SPIDR: variants seen among roughly 807,000 people sequenced by gnomAD.
The protein encoded by SPIDR is DNA repair-scaffolding protein.
In SPIDR, 93 loss-of-function variants were observed where a neutral mutation model predicts 104.6. The ratio of observed to expected loss-of-function variants is 0.89; its 90% confidence interval spans 0.75 to 1.06. The LOEUF (loss-of-function observed/expected upper bound fraction) is 1.06, where lower values mean the gene tolerates loss of function less well. Ranked by LOEUF, SPIDR falls within the 50% of genes least tolerant of loss-of-function variation. The pLI is 0.00. For synonymous variants in SPIDR, 431 were observed against 416.9 expected, an observed-to-expected ratio of 1.03 and a Z score of -0.41; for missense variants, 1,154 against 1,111.2, an observed-to-expected ratio of 1.04 and a Z score of -0.55.
At chr8:47,288,519 C>T (rs898539692) in intron 3 of SPIDR, among the ~76,000 whole-genome samples, 42 of 152,198 alleles carry the variant, frequency 2.8e-4, no homozygotes, top group African/African-American at 8.9e-4. Context: ...CTTCTGACCT[C>T]GTGATCCACC....
intron 8 of SPIDR, among the ~76,000 whole-genome samples, chr8:47,469,644 C>G (rs1035390749): frequency 6.6e-6 from 1 of 152,102 alleles, no homozygotes; most frequent in Non-Finnish European, 1.5e-5. Flanking sequence ...ACCACATGTT[C>G]TCACTTATAA....
At chr8:47,514,280 G>A (rs2082788790) in intron 8 of SPIDR, among the ~76,000 whole-genome samples, 1 of 151,846 alleles carries the variant, frequency 6.6e-6, no homozygotes, top group Admixed American at 6.6e-5. Context: ...TTTGGTACAG[G>A]GATTTCTAAA....
chr8:47,373,540 T>C (rs1414037219), intron 5 of SPIDR, among the ~76,000 whole-genome samples: 2 of 152,142 alleles, frequency 1.3e-5, no homozygotes, highest in African/African-American at 4.8e-5. Flanking sequence ...AGTTCTGGGG[T>C]ACATGTGCAG....
At chr8:47,398,319 G>A (rs1360441274) in intron 6 of SPIDR, among the ~76,000 whole-genome samples, 2 of 152,170 alleles carry the variant, frequency 1.3e-5, no homozygotes, top group African/African-American at 4.8e-5. Context: ...AAGCAAAGTG[G>A]AATGGTTGCT....
At chr8:47,587,725 T>G (rs563191189) in intron 8 of SPIDR, among the ~76,000 whole-genome samples, 55 of 151,426 alleles carry the variant, frequency 3.6e-4, no homozygotes, top group African/African-American at 1.3e-3. Context: ...CCCAGGAGTT[T>G]GAGGCTGGCC....
chr8:47,576,780 T>TA (rs1361405638), intron 8 of SPIDR, among the ~76,000 whole-genome samples: 1 of 152,238 alleles, frequency 6.6e-6, no homozygotes, highest in Non-Finnish European at 1.5e-5. Context: ...AATACCTTCA[T>TA]ATCCATTATT....
chr8:47,401,763 C>G (rs1272017089), intron 6 of SPIDR, among the ~76,000 whole-genome samples: 2 of 152,190 alleles, frequency 1.3e-5, no homozygotes, highest in Non-Finnish European at 2.9e-5. Context: ...GTAAAGGGAT[C>G]AATTCAACAA....
At chr8:47,609,951 A>T (rs563756555) in intron 10 of SPIDR, among the ~76,000 whole-genome samples, 2 of 152,192 alleles carry the variant, frequency 1.3e-5, no homozygotes, top group African/African-American at 4.8e-5. Flanking sequence ...ACAGACAATT[A>T]TGAAGTTTTG....
chr8:47,549,031 G>C (rs913450191), intron 8 of SPIDR, among the ~76,000 whole-genome samples: 1 of 152,142 alleles, frequency 6.6e-6, no homozygotes, highest in Admixed American at 6.5e-5. Context: ...TTGGTTTTCT[G>C]TCCTTGTGAT....
intron 5 of SPIDR, among the ~76,000 whole-genome samples, chr8:47,317,782 T>C (rs1443038084): frequency 1.3e-5 from 2 of 152,156 alleles, no homozygotes; most frequent in African/African-American, 4.8e-5. Context: ...CAACATTTCC[T>C]GCTCACCGGT....
At chr8:47,566,078 C>T (rs1425588901) in intron 8 of SPIDR, among the ~76,000 whole-genome samples, 3 of 127,922 alleles carry the variant, frequency 2.3e-5, no homozygotes, top group African/African-American at 9.0e-5. Flanking sequence ...ACAATCTTGG[C>T]TCACCACAAC....
intron 8 of SPIDR, among the ~76,000 whole-genome samples, chr8:47,478,245 A>T (rs2076502089): frequency 6.6e-6 from 1 of 152,214 alleles, no homozygotes; most frequent in Non-Finnish European, 1.5e-5. Flanking sequence ...CTGAGGAAGC[A>T]AAAAGCAGTG....
At chr8:47,316,731 G>C (rs782777733) in intron 5 of SPIDR, among the ~76,000 whole-genome samples, 1 of 152,194 alleles carries the variant, frequency 6.6e-6, no homozygotes, top group Non-Finnish European at 1.5e-5. Flanking sequence ...AGAGGAACTT[G>C]CTGGGTGATA....
At position 47,705,781 on chromosome 8, in the gene SPIDR, A is replaced by G. The variant is rs114977432; in HGVS notation, c.1977+3766A>G. On this transcript the variant is annotated intron_variant, in intron 14 of 19. Transcript: ENST00000297423. ...TAGCCAGGCATGGTGCTGCATGCCT[A>G]TCATCTCAGCTACTTGGGAGGCTGA... Among the ~76,000 whole-genome samples the G allele has an allele frequency of 3.1e-3, 474 of 152,148 alleles. 3 individuals carry two copies. Among genetic ancestry groups the G allele is most frequent in the African/African-American group, 0.011 (451 of 41,528 alleles).
intron 10 of SPIDR, among the ~76,000 whole-genome samples, chr8:47,650,563 A>G (rs757033911): frequency 6.6e-5 from 10 of 152,164 alleles, no homozygotes; most frequent in Non-Finnish European, 1.3e-4. Context: ...TGCAATTCCT[A>G]TCAAAATACC....
At position 47,510,732 on chromosome 8, in the gene SPIDR, A is replaced by G. The variant is rs189073960; in HGVS notation, c.1097+70190A>G. The stretch of plus-strand genomic sequence containing the variant: ...ATGTGTATGTTTGGAATTTTTTGCA[A>G]TAATTACAATCTTCAGTTTCTATGT... On this transcript the variant is annotated intron_variant, in intron 8 of 19. Transcript: ENST00000297423. Among the ~76,000 whole-genome samples the G allele has an allele frequency of 4.2e-3, 643 of 152,356 alleles. 3 individuals are homozygous for G. The highest frequency in any genetic ancestry group is 0.011 in the South Asian group (55 of 4,830).
intron 14 of SPIDR, among the ~76,000 whole-genome samples, chr8:47,702,736 A>G (rs1461106451): frequency 6.6e-6 from 1 of 152,318 alleles, no homozygotes; most frequent in East Asian, 1.9e-4. Flanking sequence ...TTGTCCACTC[A>G]TGGGCAATGT....
At chr8:47,534,876 A>C (rs543360830) in intron 8 of SPIDR, among the ~76,000 whole-genome samples, 1 of 152,166 alleles carries the variant, frequency 6.6e-6, no homozygotes, top group Non-Finnish European at 1.5e-5. Context: ...TCTTTGAACG[A>C]TTAATAAAAT....
chr8:47,695,280 T>C (rs1278507883), intron 11 of SPIDR, among the ~76,000 whole-genome samples: 1 of 151,958 alleles, frequency 6.6e-6, no homozygotes, highest in Admixed American at 6.6e-5. Flanking sequence ...ATGAACTCTC[T>C]TGGAGAGGTA....
Sources: allele counts gnomAD v4.1 joint callset (sites outside exome capture counted in the v4.1 genomes callset), GRCh38; gene constraint gnomAD v4.1.1; transcripts MANE v1.5; gene names NCBI Gene and HGNC (gene_info 2026-07-23, HGNC 2026-07-21).